The following BNC2 variants were observed in gnomAD, a reference collection of about 807,000 sequenced individuals.
BNC2 encodes basonuclin zinc finger protein 2.
A neutral mutation model predicts 76.3 loss-of-function variants in BNC2; 20 were observed. That is an observed-to-expected ratio of 0.26 (90% CI 0.18 to 0.38). The LOEUF is 0.38. BNC2 is among the 10% of genes least tolerant of loss of function. The pLI is 1.00. For missense variants in BNC2, 1,382 were observed against 1,399.8 expected (o/e 0.99, Z 0.20); for synonymous variants, 582 against 514.8 (o/e 1.13, Z -1.77).
At chr9:16,510,025 A>C (rs1822716617) in intron 5 of BNC2, among the ~76,000 whole-genome samples, 1 of 152,342 alleles carries the variant, frequency 6.6e-6, no homozygotes, top group East Asian at 1.9e-4. Context: ...GCAAATGGCT[A>C]AAAGACCTGT....
At chr9:16,630,327 G>C (rs1821124013) in intron 3 of BNC2, among the ~76,000 whole-genome samples, 1 of 152,176 alleles carries the variant, frequency 6.6e-6, no homozygotes, top group Non-Finnish European at 1.5e-5. Flanking sequence ...TATCAAGAAA[G>C]AGCTAATATG....
chr9:16,571,202 AG>A (rs1819312963), intron 4 of BNC2, among the ~76,000 whole-genome samples: 1 of 152,184 alleles, frequency 6.6e-6, no homozygotes, highest in Non-Finnish European at 1.5e-5. Context: ...ACTTAGTAAA[AG>A]GGCTTCTTAA....
chr9:16,410,422 T>C lies in BNC2; in HGVS notation c.*8567A>G, dbSNP rs987557510. The stretch of plus-strand genomic sequence containing the variant: ...CCCATTTCTCGACCGTCCTCACCCC[T>C]CTGACCTTCATGTACCCAGGTTTAG... On this transcript the variant is annotated 3_prime_UTR_variant, in exon 7 of 7. Coordinates refer to ENST00000380672, the MANE Select transcript of BNC2 (RefSeq NM_017637.6). The C allele has an allele frequency of 2.6e-5, 4 of 152,690 alleles. No homozygotes were observed. The highest frequency in any genetic ancestry group is 4.4e-5 in the Non-Finnish European group (3 of 68,084). The allele number at this position is 152,690 out of a possible 1,614,324, so 9.5% of individuals were successfully genotyped here.
At chr9:16,641,844 G>C (rs1821500314) in intron 3 of BNC2, among the ~76,000 whole-genome samples, 1 of 152,142 alleles carries the variant, frequency 6.6e-6, no homozygotes, top group African/African-American at 2.4e-5. Context: ...TCCCACATGA[G>C]AATTCCCTTT....
intron 1 of BNC2, among the ~76,000 whole-genome samples, chr9:16,808,798 T>C (rs1817975228): frequency 2.6e-5 from 4 of 152,028 alleles, no homozygotes. Context: ...ATAAACACTG[T>C]AAGGTCTGTG....
At chr9:16,690,625 CAG>C (rs1446121423) in intron 3 of BNC2, among the ~76,000 whole-genome samples, 3 of 152,048 alleles carry the variant, frequency 2.0e-5, no homozygotes, top group African/African-American at 7.3e-5. Context: ...TCAGATAAGG[CAG>C]AGTTGTATCA....
intron 4 of BNC2, among the ~76,000 whole-genome samples, chr9:16,570,327 G>C (rs1819286473): frequency 6.6e-6 from 1 of 152,162 alleles, no homozygotes; most frequent in Non-Finnish European, 1.5e-5. Context: ...TCACCTTTGT[G>C]TCACAAGTAA....
chr9:16,627,559 T>A (rs1057228618), intron 3 of BNC2, among the ~76,000 whole-genome samples: 3 of 152,188 alleles, frequency 2.0e-5, no homozygotes, highest in Admixed American at 1.3e-4. Context: ...AGCCCATTAA[T>A]GACACCAAAA....
intron 5 of BNC2, among the ~76,000 whole-genome samples, chr9:16,504,229 G>A (rs1222050397): frequency 1.3e-5 from 2 of 149,298 alleles, no homozygotes; most frequent in Non-Finnish European, 2.9e-5. Flanking sequence ...AAAGTAGTTA[G>A]TCATACCATT....
intron 1 of BNC2, among the ~76,000 whole-genome samples, chr9:16,741,133 C>T (rs2091519322): frequency 6.6e-6 from 1 of 151,988 alleles, no homozygotes; most frequent in Non-Finnish European, 1.5e-5. Flanking sequence ...AGGAAGGAAT[C>T]GAGGAGTACT....
At chr9:16,604,304 T>C (rs1336544717) in intron 3 of BNC2, among the ~76,000 whole-genome samples, 1 of 152,208 alleles carries the variant, frequency 6.6e-6, no homozygotes, top group East Asian at 1.9e-4. Context: ...ATTAATTAAA[T>C]GCCAACTTTT....
chr9:16,844,119 A>T (rs998875381), intron 1 of BNC2, among the ~76,000 whole-genome samples: 1 of 151,780 alleles, frequency 6.6e-6, no homozygotes, highest in Non-Finnish European at 1.5e-5. Flanking sequence ...AATAAATCTT[A>T]TAAGAGTTTA....
intron 5 of BNC2, among the ~76,000 whole-genome samples, chr9:16,542,123 A>G (rs1188269143): frequency 6.6e-6 from 1 of 152,196 alleles, no homozygotes; most frequent in Non-Finnish European, 1.5e-5. Context: ...AAGAGAGAAA[A>G]TTACATGAGA....
intron 1 of BNC2, among the ~76,000 whole-genome samples, chr9:16,788,744 G>A (rs879857802): frequency 2.0e-5 from 3 of 151,942 alleles, no homozygotes; most frequent in Non-Finnish European, 4.4e-5. Flanking sequence ...CAGAGGATAA[G>A]GAAGGAGAGA....
At chr9:16,798,322 T>G (rs961550905) in intron 1 of BNC2, among the ~76,000 whole-genome samples, 1 of 152,206 alleles carries the variant, frequency 6.6e-6, no homozygotes, top group African/African-American at 2.4e-5. Context: ...CTCAGGGACT[T>G]TATCCAAATC....
At chr9:16,525,810 T>C (rs1376769191) in intron 5 of BNC2, among the ~76,000 whole-genome samples, 1 of 152,214 alleles carries the variant, frequency 6.6e-6, no homozygotes, top group East Asian at 1.9e-4. Flanking sequence ...AGATATGTTG[T>C]GTTTTACATG....
In BNC2 at chr9:16,518,419, C is replaced by T. The variant is rs75061380; in HGVS notation, c.669+34111G>A. 5.1e-3 allele frequency among the ~76,000 whole-genome samples: 781 copies of T among 152,126 alleles called. 6 individuals carry two copies. Among genetic ancestry groups the T allele is most frequent in the Middle Eastern group, 0.02 (6 of 294 alleles). ...TCCAGCCAGTGTAATAGGGCGAAACCATATCTTTAAAAATAATAATAATAA... is the reference window on the plus strand; with the variant it reads ...TCCAGCCAGTGTAATAGGGCGAAACTATATCTTTAAAAATAATAATAATAA... On this transcript the variant is annotated intron_variant, in intron 5 of 6. Coordinates refer to ENST00000380672, the MANE Select transcript of BNC2 (RefSeq NM_017637.6).
In BNC2 at chr9:16,629,139, A is replaced by C. The variant is rs376908622; in HGVS notation, c.331-46054T>G. On this transcript the variant is annotated intron_variant, in intron 3 of 6. Transcript: ENST00000380672. ...TACAGAGAAGTCAAATGTAAGGACT[A>C]ATCGGGAAGGTTTACCTTTTATGTT... Among the ~76,000 whole-genome samples the C allele has an allele frequency of 6.8e-4, 103 of 152,322 alleles. 1 individual carries two copies. The East Asian group carries it at 0.017, about 25-fold the overall frequency.
intron 1 of BNC2, among the ~76,000 whole-genome samples, chr9:16,852,018 T>A (rs1819138927): frequency 6.6e-6 from 1 of 152,190 alleles, no homozygotes; most frequent in Non-Finnish European, 1.5e-5. Context: ...ACATGAGATG[T>A]GTGATCTTTT....
Sources: allele counts gnomAD v4.1 joint callset (sites outside exome capture counted in the v4.1 genomes callset), GRCh38; gene constraint gnomAD v4.1.1; transcripts MANE v1.5; gene names NCBI Gene and HGNC (gene_info 2026-07-23, HGNC 2026-07-21).